PAPPA2: variants seen among roughly 807,000 people sequenced by gnomAD.
PAPPA2 encodes the protein pappalysin 2.
Under a neutral mutation model 176.4 loss-of-function variants are expected in PAPPA2, and 86 were observed. The observed-to-expected ratio is 0.49, with a 90% CI of 0.41 to 0.58. The LOEUF is 0.58. Ranked by LOEUF, PAPPA2 falls within the 20% of genes least tolerant of loss-of-function variation. PAPPA2 has a pLI of 0.00. For synonymous variants in PAPPA2, 809 were observed against 852.2 expected (o/e 0.95, Z 0.88); for missense variants, 2,073 against 2,256.9 (o/e 0.92, Z 1.65).
chr1:176,784,289 T>C (rs1664837726), intron 17 of PAPPA2, among the ~76,000 whole-genome samples: 2 of 152,218 alleles, frequency 1.3e-5, no homozygotes, highest in African/African-American at 4.8e-5. Context: ...GTCGTTTGGT[T>C]CCTGATGCAT....
At chr1:176,834,240 C>G (rs1424191838) in intron 21 of PAPPA2, among the ~76,000 whole-genome samples, 1 of 152,158 alleles carries the variant, frequency 6.6e-6, no homozygotes, top group Non-Finnish European at 1.5e-5. Flanking sequence ...AGAGAAGGGA[C>G]AGCTTTCTGA....
intron 3 of PAPPA2, among the ~76,000 whole-genome samples, chr1:176,640,791 T>A (rs1657034205): frequency 6.7e-6 from 1 of 149,828 alleles, no homozygotes; most frequent in Non-Finnish European, 1.5e-5. Context: ...GTTGAACTAG[T>A]TTACAGTCCC....
intron 14 of PAPPA2, among the ~76,000 whole-genome samples, chr1:176,759,597 A>G (rs1008660884): frequency 7.9e-5 from 12 of 152,180 alleles, no homozygotes; most frequent in African/African-American, 2.4e-4. Flanking sequence ...CCAAAGCTTC[A>G]GGGCAGCTGT....
At chr1:176,691,830 T>C (rs2102807560) in intron 5 of PAPPA2, among the ~76,000 whole-genome samples, 1 of 152,342 alleles carries the variant, frequency 6.6e-6, no homozygotes, top group Middle Eastern at 3.4e-3. Flanking sequence ...ACTGCCATCT[T>C]GTGGTTTGCT....
chr1:176,687,629 C>G (rs12084207), intron 4 of PAPPA2, among the ~76,000 whole-genome samples: 1 of 152,090 alleles, frequency 6.6e-6, no homozygotes, highest in African/African-American at 2.4e-5. Flanking sequence ...TTTTCTTTAT[C>G]TATAATTGAA....
At chr1:176,721,702 TC>T (rs1383146200) in intron 12 of PAPPA2, among the ~76,000 whole-genome samples, 1 of 152,196 alleles carries the variant, frequency 6.6e-6, no homozygotes, top group African/African-American at 2.4e-5. Context: ...ATTCTCTCTG[TC>T]TTTTGTCTTC....
intron 21 of PAPPA2, among the ~76,000 whole-genome samples, chr1:176,814,137 A>G (rs1178282956): frequency 6.6e-6 from 1 of 151,988 alleles, no homozygotes; most frequent in Non-Finnish European, 1.5e-5. Context: ...GTTCCATTAG[A>G]CAATGTGTCT....
At chr1:176,792,454 G>A (rs1227311257) in intron 19 of PAPPA2, among the ~76,000 whole-genome samples, 1 of 152,196 alleles carries the variant, frequency 6.6e-6, no homozygotes, top group Non-Finnish European at 1.5e-5. Context: ...CAGGCATAGA[G>A]TATCAGGGAA....
At chr1:176,650,218 G>T (rs1260213606) in intron 3 of PAPPA2, among the ~76,000 whole-genome samples, 1 of 151,216 alleles carries the variant, frequency 6.6e-6, no homozygotes, top group African/African-American at 2.4e-5. Context: ...AGCTACTCCT[G>T]CCCATTTTTG....
intron 2 of PAPPA2, among the ~76,000 whole-genome samples, chr1:176,591,967 C>T (rs1263749637): frequency 6.6e-6 from 1 of 152,190 alleles, no homozygotes; most frequent in East Asian, 1.9e-4. Context: ...GCATTTCGTT[C>T]TACTAAGCTC....
chr1:176,699,293 C>T lies in PAPPA2; in HGVS notation c.2940C>T (p.Val980=), dbSNP rs1660532701. 2.5e-6 allele frequency: 4 copies of T among 1,614,026 alleles called. No homozygotes were observed. The highest frequency in any genetic ancestry group is 8.5e-7 in the Non-Finnish European group (1 of 1,180,024). ...CCTTCTTCATGGAGTCCTCGCAGGT[C>T]CTCTTTGACACAGAGATCTTGCTGG... ...VTSFFMESSQ[V]LFDTEILLEN... is the part of the protein sequence containing the mutation. Residue 980 remains valine (V), a synonymous_variant, in exon 8 of 23, where the codon GTC becomes GTT. Transcript: ENST00000367662.
intron 2 of PAPPA2, among the ~76,000 whole-genome samples, chr1:176,572,099 C>A (rs1274057541): frequency 1.3e-5 from 2 of 152,214 alleles, no homozygotes; most frequent in Non-Finnish European, 2.9e-5. Flanking sequence ...TGACATTACA[C>A]AGGGGCAGAC....
At chr1:176,603,091 G>A (rs1654416881) in intron 3 of PAPPA2, among the ~76,000 whole-genome samples, 1 of 152,174 alleles carries the variant, frequency 6.6e-6, no homozygotes, top group South Asian at 2.1e-4. Context: ...CATGTAGTCT[G>A]TCTGGGTTAA....
intron 4 of PAPPA2, among the ~76,000 whole-genome samples, chr1:176,684,904 C>G (rs1318595299): frequency 1.3e-5 from 2 of 152,160 alleles, no homozygotes; most frequent in Admixed American, 6.5e-5. Flanking sequence ...GCAGCCCTGT[C>G]CAAGTCTTGC....
intron 21 of PAPPA2, among the ~76,000 whole-genome samples, chr1:176,824,196 G>A (rs1470413118): frequency 1.3e-5 from 2 of 152,208 alleles, no homozygotes; most frequent in South Asian, 4.1e-4. Flanking sequence ...TTGAACATCT[G>A]CTGTGGGGAA....
chr1:176,644,513 A>G (rs1234366835), intron 3 of PAPPA2, among the ~76,000 whole-genome samples: 1 of 151,834 alleles, frequency 6.6e-6, no homozygotes, highest in Non-Finnish European at 1.5e-5. Context: ...TCCATTGTAC[A>G]TATGACAATG....
At chr1:176,740,276 T>G (rs910341077) in intron 14 of PAPPA2, 80 bp downstream of exon 14, 10 of 1,358,780 alleles carry the variant, frequency 7.4e-6, no homozygotes, top group African/African-American at 1.5e-5. Context: ...GTGTTATGTA[T>G]AGAGTGTTTG....
rs1665177023 is a variant in PAPPA2, at chr1:176,791,487, G to A, written c.5020+5G>A. ...GTGAACAAGGATATGGGATTGGTAAGGATAGGAGTGAATCTTAAAGTCAAT... is the reference window on the plus strand; with the variant it reads ...GTGAACAAGGATATGGGATTGGTAAAGATAGGAGTGAATCTTAAAGTCAAT... On this transcript the variant is annotated splice_donor_5th_base_variant and intron_variant, in intron 19 of 22. Coordinates refer to ENST00000367662, the MANE Select transcript of PAPPA2 (RefSeq NM_020318.3). 6.2e-7 allele frequency: 1 copy of A among 1,609,264 alleles called. No homozygotes were observed.
chr1:176,764,889 T>G (rs559516141), intron 14 of PAPPA2, among the ~76,000 whole-genome samples: 1 of 152,132 alleles, frequency 6.6e-6, no homozygotes, highest in Non-Finnish European at 1.5e-5. Flanking sequence ...AGCCACCGCA[T>G]CCGGCCTGCT....
Sources: allele counts gnomAD v4.1 joint callset (sites outside exome capture counted in the v4.1 genomes callset), GRCh38; gene constraint gnomAD v4.1.1; transcripts MANE v1.5; gene names NCBI Gene and HGNC (gene_info 2026-07-23, HGNC 2026-07-21).